Variants in STOML2 observed in about 807,000 individuals in gnomAD.
STOML2 encodes the protein stomatin like 2.
In STOML2, 22 loss-of-function variants were observed where a neutral mutation model predicts 45.7. The ratio of observed to expected loss-of-function variants is 0.48; its 90% CI spans 0.34 to 0.69. The LOEUF (loss-of-function observed/expected upper bound fraction) is 0.69, where lower values mean the gene tolerates loss of function less well. Among genes scored for constraint, STOML2 ranks in the 30% least tolerant of loss-of-function variants. STOML2 has a pLI of 0.01. For synonymous variants in STOML2, 181 were observed against 182.7 expected (o/e 0.99, Z 0.08); for missense variants, 359 against 466.9 (o/e 0.77, Z 2.13).
chr9:35,100,484 A>G (rs957653308), intron 9 of STOML2, 114 bp downstream of exon 9: 59 of 1,425,518 alleles, frequency 4.1e-5, no homozygotes, highest in Non-Finnish European at 5.3e-5. Context: ...AGGGAGGTCT[A>G]GGGCCAAGGC....
chr9:35,100,906 C>G (rs1191998311), intron 8 of STOML2, 26 bp downstream of exon 8: 9 of 1,614,146 alleles, frequency 5.6e-6, no homozygotes, highest in Non-Finnish European at 6.8e-6. Flanking sequence ...AATTCCTGTC[C>G]CCATTCCCAC....
chr9:35,100,288 T>C, intron 9 of STOML2, 116 bp from the exon 10 acceptor site: 58 of 1,360,996 alleles, frequency 4.3e-5, no homozygotes, highest in Non-Finnish European at 5.7e-5. Flanking sequence ...TTTTCCTTTC[T>C]CCCTCTCTCA....
chr9:35,099,890 G>A lies in STOML2; in HGVS notation c.*145C>T, dbSNP rs948690347. 3.0e-5 allele frequency: 28 copies of A among 944,942 alleles called. No individual in the cohort carries two copies. In the African/African-American group the frequency reaches 4.1e-4, roughly 14 times the overall value. The allele number at this position is 944,942 out of a possible 1,614,324, so 58.5% of individuals were successfully genotyped here. ...CTTCATTCCCCAATCAAAGAGGACA[G>A]TTTCTGGTTTGCCACTGGTGAGTTT... is the stretch of plus-strand genomic sequence containing the variant. On this transcript the variant is annotated 3_prime_UTR_variant, in exon 10 of 10. Transcript: ENST00000356493.
At position 35,100,120 on chromosome 9, in the gene STOML2, T is replaced by C; in HGVS notation, c.986A>G (p.Asp329Gly). Reference protein sequence around the residue: ...LTKAPVPGTPDSLSSGSSRDV... With the variant: ...LTKAPVPGTPGSLSSGSSRDV... ...TCTGCTGCTCCCACTGGAGAGTGAG[T>C]CTGGAGTCCCTGGCACTGGGGCTTT... The change falls in exon 10 of 10, where the codon GAC becomes GGC. Residue 329 changes from aspartate to glycine, a missense_variant. Around this residue, in one of 2 missense-constraint regions of STOML2, gnomAD observed 285 missense variants for 422.0 expected, o/e 0.68. Coordinates refer to ENST00000356493, the MANE Select transcript of STOML2 (RefSeq NM_013442.3). The C allele has an allele frequency of 1.2e-6, 2 of 1,614,024 alleles. No individual in the cohort carries two copies. The highest frequency in any genetic ancestry group is 1.7e-6 in the Non-Finnish European group (2 of 1,179,994).
In STOML2 at chr9:35,100,032, C is replaced by G; in HGVS notation, c.*3G>C. The G allele has an allele frequency of 6.2e-7, 1 of 1,613,950 alleles. No homozygotes were observed. The highest frequency in any genetic ancestry group is 1.7e-5 in the Admixed American group (1 of 60,022). On this transcript the variant is annotated 3_prime_UTR_variant, in exon 10 of 10. Transcript: ENST00000356493. Reference sequence around the variant, plus strand: ...CCAGACTCCCTGGCCAAGCCCAGCTCCACTAACTCATCTTGACTCGATCAA... The same window carrying G: ...CCAGACTCCCTGGCCAAGCCCAGCTGCACTAACTCATCTTGACTCGATCAA...
rs747618609 is a variant in STOML2 at position 35,103,033 on chromosome 9, G to T, written c.45+17C>A. 1.2e-6 allele frequency: 2 copies of T among 1,614,092 alleles called. No individual in the cohort carries two copies. Among genetic ancestry groups the T allele is most frequent in the South Asian group, 2.2e-5 (2 of 91,084 alleles). On this transcript the variant is annotated intron_variant, in intron 1 of 9. Transcript: ENST00000356493. Reference sequence around the variant, plus strand: ...AATCTCTGTCCTGACCCTCTGGAAAGGTTGCCTCGCTCTCACCCTCAGCAA... The same window carrying T: ...AATCTCTGTCCTGACCCTCTGGAAATGTTGCCTCGCTCTCACCCTCAGCAA...
Position 35,102,980 on chromosome 9 carries a change from T to G in STOML2, c.45+70A>C. On this transcript the variant is annotated intron_variant, in intron 1 of 9. Coordinates refer to ENST00000356493, the MANE Select transcript of STOML2 (RefSeq NM_013442.3). The surrounding 1 kb of genome is among the most constrained non-coding windows in gnomAD (Gnocchi z 4.8). Reference sequence around the variant, plus strand: ...CCAGTCCTCTCCAAAAGTTGGAATTTCGCTCTTTTCCAGCGGAGAACCCAG... The same window carrying G: ...CCAGTCCTCTCCAAAAGTTGGAATTGCGCTCTTTTCCAGCGGAGAACCCAG... 6.2e-7 allele frequency: 1 copy of G among 1,602,166 alleles called. No homozygotes were observed. Among genetic ancestry groups the G allele is most frequent in the Non-Finnish European group, 8.5e-7 (1 of 1,173,000 alleles).
Position 35,101,266 on chromosome 9 carries a change from C to T in STOML2, c.593G>A (p.Arg198Gln), listed in dbSNP as rs1462012633. The T allele has an allele frequency of 6.2e-7, 1 of 1,614,198 alleles. No homozygotes were observed. The highest frequency in any genetic ancestry group is 8.5e-7 in the Non-Finnish European group (1 of 1,180,042). The change falls in exon 7 of 10, where the codon CGG becomes CAG. Residue 198 changes from arginine to glutamine, a missense_variant. Arg to Gln is a conservative substitution (Grantham distance 43). Transcript: ENST00000356493. The surrounding 1 kb of genome is among the most constrained non-coding windows in gnomAD (Gnocchi z 4.3). ...ESMQMQVEAE[R>Q]RKRATVLESE... Reference sequence around the variant, plus strand: ...CTCTAGAACTGTGGCCCGTTTCCGCCGCTCTGCCTCCACCTGGAAGCCCAC... The same window carrying T: ...CTCTAGAACTGTGGCCCGTTTCCGCTGCTCTGCCTCCACCTGGAAGCCCAC...
At position 35,101,832 on chromosome 9, in the gene STOML2, G is replaced by A. The variant is rs1829824544; in HGVS notation, c.343-21C>T. 2 of 1,614,060 alleles carry A rather than the reference G, an allele frequency of 1.2e-6. No individual in the cohort carries two copies. The highest frequency in any genetic ancestry group is 1.7e-6 in the Non-Finnish European group (2 of 1,180,018). On this transcript the variant is annotated intron_variant, in intron 4 of 9. Coordinates refer to ENST00000356493, the MANE Select transcript of STOML2 (RefSeq NM_013442.3). The surrounding 1 kb of genome is among the most constrained non-coding windows in gnomAD (Gnocchi z 4.3). ...CTTGCCTGAGATGGACACGGATAGT[G>A]TAAGAAGCTTGGGCACAAGATTTTA... is the stretch of plus-strand genomic sequence containing the variant.
At chr9:35,100,213 C>G in intron 9 of STOML2, 41 bp from the exon 10 acceptor site, 2 of 1,606,314 alleles carry the variant, frequency 1.2e-6, no homozygotes, top group South Asian at 2.2e-5. Context: ...GGACACTTGA[C>G]AGAGGTGCAG....
chr9:35,100,933 T>G lies in STOML2; in HGVS notation c.803A>C (p.His268Pro), dbSNP rs781046341. 8 of 1,614,198 alleles carry G rather than the reference T, an allele frequency of 5.0e-6. No homozygotes were observed. The South Asian group carries it at 6.6e-5, about 13-fold the overall frequency. Residue 268 changes from histidine (H) to proline (P), a missense_variant and splice_region_variant, in exon 8 of 10, where the codon CAT (histidine) becomes CCT (proline). Transcript: ENST00000356493. ...IRILAAALTQHNGDAAASLTV... is the reference protein window; with the variant it reads ...IRILAAALTQPNGDAAASLTV... The stretch of plus-strand genomic sequence containing the variant: ...CATTCCCACCCAGGGGCCTCTCACA[T>G]GTTGTGTCAGAGCTGCAGCCAGGAT...
chr9:35,102,669 C>A lies in STOML2; in HGVS notation c.183+17G>T. On this transcript the variant is annotated intron_variant, in intron 2 of 9. Transcript: ENST00000356493. This position sits in a 1 kb window ranked among gnomAD's most constrained non-coding sequence, Gnocchi z 4.8. ...GGTCATCTGGCTGGCCCAGGGTGGGCAGAAGAGGTTTCTCACAGGCTCCAG... is the reference window on the plus strand; with the variant it reads ...GGTCATCTGGCTGGCCCAGGGTGGGAAGAAGAGGTTTCTCACAGGCTCCAG... 1 of 1,611,636 alleles carries A rather than the reference C, an allele frequency of 6.2e-7. No individual in the cohort carries two copies. The highest frequency in any genetic ancestry group is 1.3e-5 in the African/African-American group (1 of 74,970).
rs548596894 is a variant in STOML2 at position 35,102,269 on chromosome 9, T to C, written c.184-75A>G. 2.5e-4 allele frequency: 320 copies of C among 1,292,882 alleles called. No homozygotes were observed. In the African/African-American group the frequency reaches 4.2e-3, roughly 17 times the overall value. 80.1% of individuals were successfully genotyped at this position (1,292,882 alleles called of 1,614,324 possible). On this transcript the variant is annotated intron_variant, in intron 2 of 9. Coordinates refer to ENST00000356493, the MANE Select transcript of STOML2 (RefSeq NM_013442.3). This position sits in a 1 kb window ranked among gnomAD's most constrained non-coding sequence, Gnocchi z 4.8. ...GGACCTAAGCTAGTCCTGGAGTATGTAGGGAGTCAACACATGGAACATGCC... is the reference window on the plus strand; with the variant it reads ...GGACCTAAGCTAGTCCTGGAGTATGCAGGGAGTCAACACATGGAACATGCC...
At position 35,101,971 on chromosome 9, in the gene STOML2, C is replaced by T. The variant is rs1237068239; in HGVS notation, c.284-9G>A. 6.2e-7 allele frequency: 1 copy of T among 1,613,952 alleles called. No homozygotes were observed. Among genetic ancestry groups the T allele is most frequent in the Non-Finnish European group, 8.5e-7 (1 of 1,180,026 alleles). ...TTGCAGAGTTACATTGTCTGTAGAA[C>T]CAGGAGAGAAAACGGGGAAAGTCAG... On this transcript the variant is annotated splice_polypyrimidine_tract_variant and intron_variant, in intron 3 of 9. Coordinates refer to ENST00000356493, the MANE Select transcript of STOML2 (RefSeq NM_013442.3). The surrounding 1 kb of genome is among the most constrained non-coding windows in gnomAD (Gnocchi z 4.3).
rs370437732 is a variant in STOML2, at chr9:35,101,889, G to A, written c.342+15C>T. On this transcript the variant is annotated intron_variant, in intron 4 of 9. Transcript: ENST00000356493. The surrounding 1 kb of genome is among the most constrained non-coding windows in gnomAD (Gnocchi z 4.3). ...AGGGCAACTCAAAAGGCTGGATAAA[G>A]TAGGGGACAGGTACCTTGTAAGGGT... 6 of 1,614,080 alleles carry A rather than the reference G, an allele frequency of 3.7e-6. No homozygotes were observed. Among genetic ancestry groups the A allele is most frequent in the African/African-American group, 1.3e-5 (1 of 74,920 alleles).
In STOML2 at chr9:35,102,159, G is replaced by C; in HGVS notation, c.219C>G (p.Ile73Met). ...TTTCCTTGAGACTCTGCACATATCG[G>C]ATCCGGTCTAACACAGGGATGAGGA... is the stretch of plus-strand genomic sequence containing the variant. ...LNILIPVLDR[I>M]RYVQSLKEIV... Residue 73 changes from isoleucine to methionine, a missense_variant, in exon 3 of 10, where the codon ATC (isoleucine) becomes ATG (methionine). Physicochemically the swap from Ile to Met is conservative, Grantham distance 10 (BLOSUM62 1). This residue lies in a region of STOML2 where 285 missense variants were observed against 422.0 expected (regional missense o/e 0.68). Transcript: ENST00000356493. This position sits in a 1 kb window ranked among gnomAD's most constrained non-coding sequence, Gnocchi z 4.8. 1.2e-6 allele frequency: 2 copies of C among 1,613,950 alleles called. No individual in the cohort carries two copies. Among genetic ancestry groups the C allele is most frequent in the South Asian group, 2.2e-5 (2 of 91,058 alleles).
chr9:35,100,621 C>T lies in STOML2; in HGVS notation c.910G>A (p.Asp304Asn), dbSNP rs775514731. The T allele has an allele frequency of 8.1e-6, 13 of 1,613,914 alleles. No homozygotes were observed. Among genetic ancestry groups the T allele is most frequent in the Admixed American group, 6.7e-5 (4 of 60,004 alleles). ...ACCTGAGCCACCATGCTGGTGACAT[C>T]GCCAGGGTTGGAGGGCAGTAGGATA... ...NTILLPSNPGDVTSMVAQAMG... is the reference protein window; with the variant it reads ...NTILLPSNPGNVTSMVAQAMG... The change falls in exon 9 of 10, where the codon GAT becomes AAT. Residue 304 changes from aspartate to asparagine, a missense_variant. Physicochemically the swap from Asp to Asn is conservative, Grantham distance 23 (BLOSUM62 1). This residue lies in a region of STOML2 where 285 missense variants were observed against 422.0 expected (regional missense o/e 0.68). Transcript: ENST00000356493.
intron 9 of STOML2, 82 bp downstream of exon 9, chr9:35,100,516 T>G: frequency 6.3e-7 from 1 of 1,584,892 alleles, no homozygotes; most frequent in Non-Finnish European, 8.6e-7. Flanking sequence ...CTTTATGGTA[T>G]GTAAGTGTTG....
Position 35,102,837 on chromosome 9 carries a change from G to A in STOML2, c.46-14C>T, listed in dbSNP as rs1158191487. 1 of 1,613,454 alleles carries A rather than the reference G, an allele frequency of 6.2e-7. No homozygotes were observed. The highest frequency in any genetic ancestry group is 8.5e-7 in the Non-Finnish European group (1 of 1,179,750). Reference sequence around the variant, plus strand: ...CAGTAGAGAGCCCTGAAGGAAAGAAGAGGGTGAGCAGAGATCCCATCTGGC... The same window carrying A: ...CAGTAGAGAGCCCTGAAGGAAAGAAAAGGGTGAGCAGAGATCCCATCTGGC... On this transcript the variant is annotated splice_polypyrimidine_tract_variant and intron_variant, in intron 1 of 9. Transcript: ENST00000356493. The surrounding 1 kb of genome is among the most constrained non-coding windows in gnomAD (Gnocchi z 4.8).
Sources: gnomAD v4.1 joint callset for allele counts on GRCh38, gnomAD v4.1.1 for gene constraint, gnomAD v4.1.1 regional missense constraint, Gnocchi (gnomAD v3.1) non-coding constraint, MANE v1.5 for transcripts, NCBI Gene and HGNC (gene_info 2026-07-23, HGNC 2026-07-21) for gene names.